The following FAT4 variants were observed in gnomAD, a reference collection of about 807,000 sequenced individuals.
FAT4 encodes protocadherin Fat 4.
In FAT4, 84 loss-of-function variants were observed where a neutral mutation model predicts 303.9. That is an observed-to-expected ratio of 0.28 (90% confidence interval 0.23 to 0.33). The LOEUF is 0.33. Among genes scored for constraint, FAT4 ranks in the 10% least tolerant of loss-of-function variants. FAT4 has a pLI of 1.00. For synonymous variants in FAT4, 2,307 were observed against 2,298.8 expected (o/e 1.00, Z -0.10); for missense variants, 6,005 against 6,146.8 (o/e 0.98, Z 0.77).
intron 2 of FAT4, among the ~76,000 whole-genome samples, chr4:125,364,124 T>TTCTCTCTC (rs35020841): frequency 6.7e-6 from 1 of 149,936 alleles, no homozygotes; most frequent in African/African-American, 2.5e-5. Flanking sequence ...TTCCTATTCC[T>TTCTCTCTC]TCTCTCTCTC....
chr4:125,453,567 G>A (rs1404716977), intron 10 of FAT4, among the ~76,000 whole-genome samples: 2 of 152,028 alleles, frequency 1.3e-5, no homozygotes, highest in Admixed American at 6.6e-5. Flanking sequence ...TTAACTGGGC[G>A]CGGTGTTGTG....
chr4:125,487,357 A>C lies in FAT4; in HGVS notation c.12835A>C (p.Lys4279Gln). 1 of 1,611,614 alleles carries C rather than the reference A, an allele frequency of 6.2e-7. No individual in the cohort carries two copies. The highest frequency in any genetic ancestry group is 2.2e-5 in the East Asian group (1 of 44,798). ...ATATGTTTTACAGATTAAGAATGGC[A>C]AAGTATATTTTACATCCGATGCAGG... ...NYTTVKIKNG[K>Q]VYFTSDAGIA... The change falls in exon 17 of 18, where the codon AAA becomes CAA. Residue 4279 changes from lysine (K) to glutamine (Q), a missense_variant. Physicochemically the swap from Lys to Gln is moderately conservative, Grantham distance 53. Transcript: ENST00000394329.
At chr4:125,464,060 G>A (rs1344184039) in intron 11 of FAT4, among the ~76,000 whole-genome samples, 1 of 151,950 alleles carries the variant, frequency 6.6e-6, no homozygotes, top group Non-Finnish European at 1.5e-5. Context: ...TCACTTTTGT[G>A]AATTTTGCTT....
chr4:125,427,759 T>G (rs1025622447), intron 7 of FAT4, among the ~76,000 whole-genome samples: 2 of 152,284 alleles, frequency 1.3e-5, no homozygotes, highest in East Asian at 3.9e-4. Flanking sequence ...ATTTACCAAA[T>G]ATTTGATGTC....
At position 125,408,786 on chromosome 4, in the gene FAT4, C is replaced by T. The variant is rs1387868690; in HGVS notation, c.5912C>T (p.Ala1971Val). 2.1e-6 allele frequency: 3 copies of T among 1,461,702 alleles called. No homozygotes were observed. The Admixed American group carries it at 6.6e-5, about 32-fold the overall frequency. The allele number at this position is 1,461,702 out of a possible 1,614,324, so 90.5% of individuals were successfully genotyped here. The change falls in exon 5 of 18, where the codon GCA (alanine) becomes GTA (valine). Residue 1971 changes from alanine to valine, a missense_variant. Ala to Val is a moderately conservative substitution (Grantham distance 64). Coordinates refer to ENST00000394329, the MANE Select transcript of FAT4 (RefSeq NM_001291303.3). ...GTTCTTGTGTTTAATGTTACTGATG[C>T]AGATGATGGTATGTATTTTATTTAA... is the stretch of plus-strand genomic sequence containing the variant. ...STVLVFNVTD[A>V]DDGINSQLTY...
intron 2 of FAT4, among the ~76,000 whole-genome samples, chr4:125,371,642 T>C (rs1733117563): frequency 6.6e-6 from 1 of 151,750 alleles, no homozygotes; most frequent in Non-Finnish European, 1.5e-5. Context: ...TAGGAGGGGA[T>C]AAGATAAAAA....
chr4:125,351,197 T>C (rs1732212314), intron 2 of FAT4, among the ~76,000 whole-genome samples: 1 of 151,784 alleles, frequency 6.6e-6, no homozygotes, highest in Non-Finnish European at 1.5e-5. Context: ...CATATGATTT[T>C]CTAATTTTAG....
chr4:125,406,129 C>A (rs984437230), intron 3 of FAT4, among the ~76,000 whole-genome samples: 3 of 151,998 alleles, frequency 2.0e-5, no homozygotes, highest in African/African-American at 7.2e-5. Context: ...ACTAGGAGTT[C>A]TATAGTTTCA....
chr4:125,426,136 C>T (rs1424613957), intron 7 of FAT4, among the ~76,000 whole-genome samples: 1 of 151,934 alleles, frequency 6.6e-6, no homozygotes, highest in Non-Finnish European at 1.5e-5. Flanking sequence ...TTATAAATGG[C>T]TCTGTAATCA....
chr4:125,395,063 T>A (rs1171721295), intron 2 of FAT4, among the ~76,000 whole-genome samples: 1 of 152,182 alleles, frequency 6.6e-6, no homozygotes, highest in African/African-American at 2.4e-5. Flanking sequence ...CAATTCTTGG[T>A]AGATAAAACC....
chr4:125,376,215 G>A (rs1733312670), intron 2 of FAT4, among the ~76,000 whole-genome samples: 1 of 152,150 alleles, frequency 6.6e-6, no homozygotes, highest in Non-Finnish European at 1.5e-5. Flanking sequence ...TTTTAAAGTA[G>A]TGTTTTAAAA....
intron 11 of FAT4, among the ~76,000 whole-genome samples, chr4:125,464,200 C>T (rs1411089131): frequency 6.6e-6 from 1 of 152,006 alleles, no homozygotes; most frequent in Non-Finnish European, 1.5e-5. Context: ...CTGATACTAC[C>T]TGACTAATAA....
At chr4:125,427,287 T>C (rs1042199903) in intron 7 of FAT4, among the ~76,000 whole-genome samples, 5 of 152,132 alleles carry the variant, frequency 3.3e-5, no homozygotes, top group Admixed American at 1.3e-4. Flanking sequence ...ATTCACTTTG[T>C]TGTGCAATTT....
At chr4:125,325,214 T>C (rs1259782531) in intron 2 of FAT4, among the ~76,000 whole-genome samples, 2 of 152,190 alleles carry the variant, frequency 1.3e-5, no homozygotes, top group African/African-American at 4.8e-5. Context: ...TACATAAAAA[T>C]ACATTTATCT....
At chr4:125,400,114 A>G (rs924972418) in intron 3 of FAT4, among the ~76,000 whole-genome samples, 2 of 151,978 alleles carry the variant, frequency 1.3e-5, no homozygotes, top group African/African-American at 2.4e-5. Context: ...TTGAAATTGT[A>G]ATGACTATTT....
At chr4:125,347,188 T>C (rs1001001816) in intron 2 of FAT4, among the ~76,000 whole-genome samples, 4 of 150,798 alleles carry the variant, frequency 2.7e-5, no homozygotes, top group Non-Finnish European at 4.4e-5. Context: ...ACCAATCATA[T>C]GTTATAAATT....
chr4:125,463,489 G>A lies in FAT4; in HGVS notation c.11801-74G>A, dbSNP rs1470757672. 34 of 775,552 alleles carry A rather than the reference G, an allele frequency of 4.4e-5. No homozygotes were observed. In the Middle Eastern group the frequency reaches 9.6e-4, roughly 22 times the overall value. The allele number at this position is 775,552 out of a possible 1,614,324, so 48.0% of individuals were successfully genotyped here. On this transcript the variant is annotated intron_variant, in intron 10 of 17. Transcript: ENST00000394329. ...GATATGCCTTAGGAAAGATTTTTAC[G>A]TATGGTAATGGTGTAACGGTGTTAA...
chr4:125,437,299 G>T (rs1295871261), intron 8 of FAT4, among the ~76,000 whole-genome samples: 1 of 152,138 alleles, frequency 6.6e-6, no homozygotes, highest in African/African-American at 2.4e-5. Flanking sequence ...AGGTTTAGGA[G>T]GAAAGGTCTC....
In FAT4 at chr4:125,320,025, A is replaced by T. The variant is rs2125943625; in HGVS notation, c.3614A>T (p.Asp1205Val). The T allele has an allele frequency of 6.2e-7, 1 of 1,613,354 alleles. No homozygotes were observed. The highest frequency in any genetic ancestry group is 8.5e-7 in the Non-Finnish European group (1 of 1,180,030). ...TVHVYMKDIN[D>V]NAPKFLKDFY... ...CATGTTTACATGAAGGATATAAATG[A>T]TAATGCTCCCAAATTTTTAAAAGAC... Residue 1205 changes from aspartate (D) to valine (V), a missense_variant, in exon 2 of 18, where the codon GAT becomes GTT. Physicochemically the swap from Asp to Val is radical, Grantham distance 152. Coordinates refer to ENST00000394329, the MANE Select transcript of FAT4 (RefSeq NM_001291303.3).
Sources: gnomAD v4.1 joint callset for allele counts (sites outside exome capture counted in the v4.1 genomes callset) on GRCh38, gnomAD v4.1.1 for gene constraint, MANE v1.5 for transcripts, NCBI Gene and HGNC (gene_info 2026-07-23, HGNC 2026-07-21) for gene names.